AIFM1: variants seen among roughly 807,000 people sequenced by gnomAD.
The protein encoded by AIFM1 is apoptosis inducing factor mitochondria associated 1, also known as apoptosis-inducing factor 1, mitochondrial.
In AIFM1, 3 loss-of-function variants were observed where a neutral mutation model predicts 51.7. That is an observed-to-expected ratio of 0.06 (90% CI 0.03 to 0.15). The LOEUF is 0.15. Ranked by LOEUF, AIFM1 falls within the 10% of genes least tolerant of loss-of-function variation. The pLI is 1.00. For synonymous variants in AIFM1, 178 were observed against 179.4 expected, an observed-to-expected ratio of 0.99 and a Z score of 0.06; for missense variants, 330 against 476.8, an observed-to-expected ratio of 0.69 and a Z score of 2.87.
At position 130,130,186 on chromosome X, in the gene AIFM1, C is replaced by A. The variant is rs749868550; in HGVS notation, c.1574-20G>T. On this transcript the variant is annotated intron_variant, in intron 14 of 15. Coordinates refer to ENST00000287295, the MANE Select transcript of AIFM1 (RefSeq NM_004208.4). Reference sequence around the variant, plus strand: ...CAGTTCCTGTGGCCAGCCCCCAAAACAAATAAACATGGAAGCAAAATCAAA... The same window carrying A: ...CAGTTCCTGTGGCCAGCCCCCAAAAAAAATAAACATGGAAGCAAAATCAAA... The A allele has an allele frequency of 8.1e-5, 98 of 1,207,547 alleles. No individual in the cohort carries two copies. Among genetic ancestry groups the A allele is most frequent in the Non-Finnish European group, 1.1e-4 (95 of 892,968 alleles).
chrX:130,152,008 C>T (rs1028907126), intron 2 of AIFM1, among the ~76,000 whole-genome samples: 6 of 109,547 alleles, frequency 5.5e-5, no homozygotes, highest in Non-Finnish European at 1.1e-4. Context: ...CACTGCACTC[C>T]AGCCTGGGCG....
At chrX:130,142,944 C>T (rs186568408) in intron 6 of AIFM1, among the ~76,000 whole-genome samples, 9 of 112,275 alleles carry the variant, frequency 8.0e-5, no homozygotes, top group East Asian at 2.8e-4. Flanking sequence ...GTGCATTTTA[C>T]GGTTCTTTTC....
At chrX:130,133,549 G>T in intron 12 of AIFM1, 94 bp from the exon 13 acceptor site, 1 of 1,037,271 alleles carries the variant, frequency 9.6e-7, no homozygotes, top group Non-Finnish European at 1.3e-6. Context: ...AAGAACACTT[G>T]TAATGGTAAC....
At chrX:130,137,400 C>A in intron 9 of AIFM1, 1 of 1,156,732 alleles carries the variant, frequency 8.6e-7, no homozygotes, top group South Asian at 2.0e-5. Context: ...CTGCTGGCCC[C>A]AGATTAAGCT....
intron 1 of AIFM1, among the ~76,000 whole-genome samples, chrX:130,158,925 T>C: frequency 9.0e-6 from 1 of 110,506 alleles, no homozygotes; most frequent in East Asian, 2.8e-4. Context: ...CCCCCTTGCT[T>C]TCATAACGTT....
chrX:130,164,167 CAAAA>C (rs141655412), intron 1 of AIFM1, among the ~76,000 whole-genome samples: 9 of 74,854 alleles, frequency 1.2e-4, no homozygotes, highest in African/African-American at 3.8e-4. Flanking sequence ...GACTCCGTCT[CAAAA>C]AAAAAAAAAA....
At position 130,150,977 on chromosome X, in the gene AIFM1, CAA is replaced by C. The variant is rs759870161; in HGVS notation, c.250-1411_250-1410del. Among the ~76,000 whole-genome samples, 6 of 27,793 alleles carry C rather than the reference CAA, an allele frequency of 2.2e-4. 1 individual carries two copies. Among genetic ancestry groups the C allele is most frequent in the African/African-American group, 5.3e-4 (3 of 5,611 alleles). The allele number at this position is 27,793 out of a possible 115,157, so 24.1% of individuals were successfully genotyped here. A position where few individuals can be genotyped will look rare whatever the true frequency, so the allele number is the denominator to read the frequency against. On this transcript the variant is annotated intron_variant, in intron 2 of 15. Transcript: ENST00000287295. ...TGGGCGATAGAGTGAGACTCTGTCT[CAA>C]AAAAAAAAAAAAAAAAGAAAAGAAA... is the stretch of plus-strand genomic sequence containing the variant.
intron 1 of AIFM1, among the ~76,000 whole-genome samples, chrX:130,164,222 G>C (rs1425995172): frequency 9.2e-6 from 1 of 108,756 alleles, no homozygotes; most frequent in Non-Finnish European, 1.9e-5. Context: ...AACAAGCACA[G>C]AGCACCATCA....
Position 130,154,794 on chromosome X carries a change from C to T in AIFM1, c.249+1667G>A, listed in dbSNP as rs182636409. The stretch of plus-strand genomic sequence containing the variant: ...CAAAAATGGATGATGTTCACATTAC[C>T]TTTATTTGCTTATTTAACATTTACT... On this transcript the variant is annotated intron_variant, in intron 2 of 15. Coordinates refer to ENST00000287295, the MANE Select transcript of AIFM1 (RefSeq NM_004208.4). 9.4e-4 allele frequency among the ~76,000 whole-genome samples: 106 copies of T among 112,437 alleles called. 1 individual carries two copies. The highest frequency in any genetic ancestry group is 3.4e-3 in the African/African-American group (104 of 31,038).
At chrX:130,148,983 G>A (rs535027985) in intron 3 of AIFM1, among the ~76,000 whole-genome samples, 13 of 93,422 alleles carry the variant, frequency 1.4e-4, no homozygotes, top group Non-Finnish European at 2.5e-4. Context: ...GTGCAGCAGC[G>A]TGATCTTGGC....
At chrX:130,140,391 C>G in intron 7 of AIFM1, 142 bp downstream of exon 7, 2 of 551,568 alleles carry the variant, frequency 3.6e-6, no homozygotes, top group Non-Finnish European at 6.4e-6. Context: ...ACACAGCCAG[C>G]TTTTGTACCA....
At chrX:130,138,022 A>G (rs189509531) in intron 9 of AIFM1, 33 of 113,071 alleles carry the variant, frequency 2.9e-4, no homozygotes, top group Non-Finnish European at 7.0e-5. Flanking sequence ...AGATCACACC[A>G]TTGCACTCCA....
rs1857507387 is a variant in AIFM1, at chrX:130,140,592, T to C, written c.722A>G (p.Asn241Ser). 1 of 1,209,671 alleles carries C rather than the reference T, an allele frequency of 8.3e-7. No individual in the cohort carries two copies. The highest frequency in any genetic ancestry group is 1.1e-6 in the Non-Finnish European group (1 of 894,128). Residue 241 changes from asparagine (N) to serine (S), a missense_variant, in exon 7 of 16, where the codon AAC (asparagine) becomes AGC (serine). Transcript: ENST00000287295. ...KKVVQLDVRD[N>S]MVKLNDGSQI... The stretch of plus-strand genomic sequence containing the variant: ...AGAGCCATCATTAAGTTTCACCATG[T>C]TGTCTCTCACATCCAGCTGTACTAC...
intron 9 of AIFM1, 133 bp from the exon 10 acceptor site, chrX:130,137,318 C>A: frequency 8.5e-7 from 1 of 1,180,483 alleles, no homozygotes; most frequent in Non-Finnish European, 1.1e-6. Flanking sequence ...CGAGCGCCCA[C>A]TTACAGGACA....
intron 12 of AIFM1, among the ~76,000 whole-genome samples, chrX:130,134,005 G>T (rs1195654735): frequency 9.0e-6 from 1 of 110,820 alleles, no homozygotes; most frequent in East Asian, 2.8e-4. Flanking sequence ...CACTTTGGGA[G>T]ACCAAGGTGG....
chrX:130,162,076 C>T (rs1245342998), intron 1 of AIFM1, among the ~76,000 whole-genome samples: 1 of 112,170 alleles, frequency 8.9e-6, no homozygotes, highest in Non-Finnish European at 1.9e-5. Flanking sequence ...CTTCACAATG[C>T]TGTACTAGGG....
intron 12 of AIFM1, among the ~76,000 whole-genome samples, chrX:130,133,795 A>ATT (rs779208595): frequency 3.0e-5 from 3 of 99,862 alleles, no homozygotes; most frequent in Non-Finnish European, 6.2e-5. Flanking sequence ...GCCTGGCTAA[A>ATT]TTTTTTTTTT....
chrX:130,161,514 A>AAG, intron 1 of AIFM1, among the ~76,000 whole-genome samples: 1 of 32,306 alleles, frequency 3.1e-5, no homozygotes, highest in Non-Finnish European at 5.1e-5. Flanking sequence ...CTGTTTGAAG[A>AAG]AAAAAAAAAA....
chrX:130,135,428 C>CT lies in AIFM1; in HGVS notation c.1305+616dup, dbSNP rs1556260138. Among the ~76,000 whole-genome samples, 275 of 54,673 alleles carry CT rather than the reference C, an allele frequency of 5.0e-3. 3 individuals carry two copies. Among genetic ancestry groups the CT allele is most frequent in the Middle Eastern group, 9.2e-3 (1 of 109 alleles). 47.5% of individuals were successfully genotyped at this position (54,673 alleles called of 115,157 possible). On this transcript the variant is annotated intron_variant, in intron 12 of 15. Coordinates refer to ENST00000287295, the MANE Select transcript of AIFM1 (RefSeq NM_004208.4). The stretch of plus-strand genomic sequence containing the variant: ...AACAGGTTAAAAAGATCCAGTACAT[C>CT]TTTTTTTTTTTAAAAAAAAAAAAAA...
Sources: gnomAD v4.1 joint callset for allele counts (sites outside exome capture counted in the v4.1 genomes callset) on GRCh38, gnomAD v4.1.1 for gene constraint, MANE v1.5 for transcripts, NCBI Gene and HGNC (gene_info 2026-07-23, HGNC 2026-07-21) for gene names.